The following GNB1 variants were observed in gnomAD, a reference collection of about 807,000 sequenced individuals.
GNB1 encodes guanine nucleotide-binding protein G(I)/G(S)/G(T) subunit beta-1.
A neutral mutation model predicts 42.9 loss-of-function variants in GNB1; 2 were observed. That is an observed-to-expected ratio of 0.05 (90% CI 0.02 to 0.15). The LOEUF (loss-of-function observed/expected upper bound fraction) is 0.15, where lower values mean the gene tolerates loss of function less well. GNB1 is among the 10% of genes least tolerant of loss of function. The pLI, the probability that GNB1 is intolerant of heterozygous loss-of-function variation, is 1.00. For missense variants in GNB1, 193 were observed against 462.2 expected, an observed-to-expected ratio of 0.42 and a Z score of 5.34; for synonymous variants, 183 against 174.7, an observed-to-expected ratio of 1.05 and a Z score of -0.38.
At chr1:1,833,015 G>A (rs867054286) in intron 2 of GNB1, among the ~76,000 whole-genome samples, 5 of 152,102 alleles carry the variant, frequency 3.3e-5, no homozygotes, top group Admixed American at 2.0e-4. Flanking sequence ...AGGACAACAG[G>A]CACCATGCTC....
chr1:1,845,032 A>C (rs145899634), intron 1 of GNB1, among the ~76,000 whole-genome samples: 115 of 152,360 alleles, frequency 7.5e-4, no homozygotes, highest in Non-Finnish European at 1.3e-3. Flanking sequence ...TCTGTATCAT[A>C]ATCTTCAACT....
In GNB1 at chr1:1,787,168, G is replaced by C; in HGVS notation, c.*10-115C>G. 1 of 562,770 alleles carries C rather than the reference G, an allele frequency of 1.8e-6. No homozygotes were observed. The highest frequency in any genetic ancestry group is 3.2e-6 in the Non-Finnish European group (1 of 311,864). 34.9% of individuals were successfully genotyped at this position (562,770 alleles called of 1,614,324 possible). ...CATGAGTGTCTGCAGCTGAGGGCAC[G>C]TGACTTCAGCTTTCTGTAAACGTTT... On this transcript the variant is annotated intron_variant, in intron 11 of 11. Transcript: ENST00000378609. This position sits in a 1 kb window ranked among gnomAD's most constrained non-coding sequence, Gnocchi z 4.4.
intron 5 of GNB1, among the ~76,000 whole-genome samples, chr1:1,814,225 C>T (rs184932045): frequency 1.3e-5 from 2 of 152,280 alleles, no homozygotes; most frequent in Admixed American, 1.3e-4. Context: ...GCTGTTTGTG[C>T]TCTAAAGCGG....
At chr1:1,793,608 T>G (rs1483767109) in intron 7 of GNB1, 1 of 223,458 alleles carries the variant, frequency 4.5e-6, no homozygotes, top group Non-Finnish European at 9.1e-6. Context: ...TGCTTTACTG[T>G]TTGACCCATC....
intron 1 of GNB1, among the ~76,000 whole-genome samples, chr1:1,840,004 A>G (rs554440683): frequency 2.0e-5 from 3 of 151,846 alleles, no homozygotes; most frequent in Non-Finnish European, 2.9e-5. Flanking sequence ...TTTTAATTTT[A>G]ATGTGTTTTA....
At chr1:1,883,569 G>C (rs1649976896) in intron 1 of GNB1, among the ~76,000 whole-genome samples, 1 of 152,226 alleles carries the variant, frequency 6.6e-6, no homozygotes, top group African/African-American at 2.4e-5. Flanking sequence ...TCTGTTATCA[G>C]TGCCCACATC....
chr1:1,799,886 G>A (rs1646601296), intron 7 of GNB1, among the ~76,000 whole-genome samples: 1 of 152,194 alleles, frequency 6.6e-6, no homozygotes. Context: ...CAACTACAAA[G>A]AAGAAAGCCA....
intron 1 of GNB1, among the ~76,000 whole-genome samples, chr1:1,885,139 A>G (rs1483686879): frequency 6.6e-6 from 1 of 151,192 alleles, no homozygotes; most frequent in Non-Finnish European, 1.5e-5. Context: ...TAAGCTGGGC[A>G]CGGTGGCTCA....
At chr1:1,847,747 C>T (rs759506745) in intron 1 of GNB1, among the ~76,000 whole-genome samples, 126 of 151,140 alleles carry the variant, frequency 8.3e-4, no homozygotes, top group Non-Finnish European at 1.4e-3. Flanking sequence ...GAGAGCCAGA[C>T]GAGGAAATCA....
chr1:1,861,383 G>C (rs1648617598), intron 1 of GNB1, among the ~76,000 whole-genome samples: 1 of 151,990 alleles, frequency 6.6e-6, no homozygotes, highest in Non-Finnish European at 1.5e-5. Context: ...CAGAGGTCAA[G>C]GCTACAGCAA....
intron 1 of GNB1, among the ~76,000 whole-genome samples, chr1:1,847,848 C>T (rs1647754529): frequency 6.6e-6 from 1 of 152,176 alleles, no homozygotes; most frequent in Admixed American, 6.5e-5. Context: ...AGCTATTAGA[C>T]ACCACACCAG....
At chr1:1,843,488 C>T (rs949216840) in intron 1 of GNB1, among the ~76,000 whole-genome samples, 35 of 152,120 alleles carry the variant, frequency 2.3e-4, no homozygotes, top group African/African-American at 7.7e-4. Flanking sequence ...CGGCCTTCCA[C>T]GGTGCTGGGA....
At chr1:1,811,567 G>C (rs1284009534) in intron 5 of GNB1, among the ~76,000 whole-genome samples, 1 of 151,596 alleles carries the variant, frequency 6.6e-6, no homozygotes, top group Non-Finnish European at 1.5e-5. Flanking sequence ...GTGGTGGCGG[G>C]TGCCTGTAGT....
chr1:1,856,542 C>T (rs368318917), intron 1 of GNB1, among the ~76,000 whole-genome samples: 29 of 152,336 alleles, frequency 1.9e-4, no homozygotes, highest in African/African-American at 6.3e-4. Context: ...ATTCTCCTGC[C>T]TCAGCCTCCC....
At chr1:1,803,521 A>G (rs1358838374) in intron 7 of GNB1, among the ~76,000 whole-genome samples, 1 of 152,188 alleles carries the variant, frequency 6.6e-6, no homozygotes, top group Admixed American at 6.5e-5. Flanking sequence ...GCTCCAAGCT[A>G]TCCTCCTACC....
Position 1,790,500 on chromosome 1 carries a change from C to G in GNB1, c.594G>C (p.Leu198=). Residue 198 remains leucine, a synonymous_variant, in exon 9 of 12, where the codon CTG becomes CTC. Coordinates refer to ENST00000378609, the MANE Select transcript of GNB1 (RefSeq NM_002074.5). This position sits in a 1 kb window ranked among gnomAD's most constrained non-coding sequence, Gnocchi z 5.4. The part of the protein sequence containing the change: ...MSLSLAPDTR[L]FVSGACDASA... The stretch of plus-strand genomic sequence containing the variant: ...AAGCATCACAAGCACCAGAGACGAA[C>G]AGTCTGGTGTCAGGAGCAAGAGAAA... The G allele has an allele frequency of 1.2e-6, 2 of 1,612,374 alleles. No homozygotes were observed. Among genetic ancestry groups the G allele is most frequent in the Non-Finnish European group, 1.7e-6 (2 of 1,178,440 alleles).
At chr1:1,866,798 C>T (rs1648967317) in intron 1 of GNB1, among the ~76,000 whole-genome samples, 1 of 151,472 alleles carries the variant, frequency 6.6e-6, no homozygotes, top group Non-Finnish European at 1.5e-5. Flanking sequence ...ACTAAAAATA[C>T]AAAAAATTAG....
chr1:1,857,336 G>C (rs2101606249), intron 1 of GNB1, among the ~76,000 whole-genome samples: 1 of 152,270 alleles, frequency 6.6e-6, no homozygotes, highest in East Asian at 1.9e-4. Context: ...TCTCCTTCCA[G>C]TGTGCTTTCT....
At chr1:1,825,037 G>A (rs1052157059) in intron 3 of GNB1, 1 of 186,600 alleles carries the variant, frequency 5.4e-6, no homozygotes, top group Non-Finnish European at 1.1e-5. Flanking sequence ...TTTTAAGCAA[G>A]TTTTCTGCTG....
Sources: allele counts gnomAD v4.1 joint callset (sites outside exome capture counted in the v4.1 genomes callset), GRCh38; gene constraint gnomAD v4.1.1; non-coding constraint Gnocchi (gnomAD v3.1); transcripts MANE v1.5; gene names NCBI Gene and HGNC (gene_info 2026-07-23, HGNC 2026-07-21).